Variants in RNF175 observed in about 807,000 individuals in gnomAD.
The protein encoded by RNF175 is ring finger protein 175.
RNF175 carries 38 observed loss-of-function variants against 50.0 expected under a neutral mutation model. The ratio of observed to expected loss-of-function variants is 0.76; its 90% confidence interval spans 0.59 to 1.00. The LOEUF is 1.00. Among genes scored for constraint, RNF175 ranks in the 50% least tolerant of loss-of-function variants. The pLI, the probability that RNF175 is intolerant of heterozygous loss-of-function variation, is 0.00. For synonymous variants in RNF175, 155 were observed against 146.1 expected (o/e 1.06, Z -0.44); for missense variants, 388 against 409.6 (o/e 0.95, Z 0.46).
chr4:153,759,999 T>A lies in RNF175; in HGVS notation c.-137A>T. On this transcript the variant is annotated 5_prime_UTR_variant, in exon 1 of 9. Transcript: ENST00000347063. Reference sequence around the variant, plus strand: ...TGCGGCGGCGGCGGAGCGGCGGCCCTGCCCGGGTTGTGCGGGGCGGGAGAT... The same window carrying A: ...TGCGGCGGCGGCGGAGCGGCGGCCCAGCCCGGGTTGTGCGGGGCGGGAGAT... The A allele has an allele frequency of 2.2e-6, 1 of 462,680 alleles. No homozygotes were observed. Among genetic ancestry groups the A allele is most frequent in the Non-Finnish European group, 3.6e-6 (1 of 279,562 alleles). 28.7% of individuals were successfully genotyped at this position (462,680 alleles called of 1,614,324 possible).
intron 3 of RNF175, among the ~76,000 whole-genome samples, chr4:153,739,138 T>C (rs1739509378): frequency 6.6e-6 from 1 of 152,210 alleles, no homozygotes; most frequent in African/African-American, 2.4e-5. Context: ...GAAAAAGAAA[T>C]AGGGCCGGGT....
At chr4:153,720,055 T>A in intron 6 of RNF175, 129 bp downstream of exon 6, 1 of 926,958 alleles carries the variant, frequency 1.1e-6, no homozygotes, top group Non-Finnish European at 1.6e-6. Context: ...ACCAAAAGAG[T>A]TCCAAAGGAA....
rs56211482 is a variant in RNF175 at position 153,734,665 on chromosome 4, C to CTTTTTTTTTTTTTT, written c.247-6318_247-6305dup. Reference sequence around the variant, plus strand: ...TCCAAGTCTGGCTTGTTTTTTTATTCTTTTTTTTTTTTTTTTTTTTTTTTT... The same window carrying CTTTTTTTTTTTTTT: ...TCCAAGTCTGGCTTGTTTTTTTATTCTTTTTTTTTTTTTTTTTTTTTTTTTTTTTTTTTTTTTTT... On this transcript the variant is annotated intron_variant, in intron 3 of 8. Transcript: ENST00000347063. 1.6e-3 allele frequency among the ~76,000 whole-genome samples: 115 copies of CTTTTTTTTTTTTTT among 73,192 alleles called. 4 individuals are homozygous for CTTTTTTTTTTTTTT. The highest frequency in any genetic ancestry group is 5.2e-3 in the African/African-American group (62 of 12,018). 48.0% of individuals were successfully genotyped at this position (73,192 alleles called of 152,430 possible).
chr4:153,750,828 T>G (rs1740252066), intron 2 of RNF175, among the ~76,000 whole-genome samples: 1 of 150,226 alleles, frequency 6.7e-6, no homozygotes, highest in African/African-American at 2.4e-5. Flanking sequence ...AAGAGTGACT[T>G]CATCATCAGT....
intron 3 of RNF175, among the ~76,000 whole-genome samples, chr4:153,744,192 C>T (rs751475724): frequency 3.9e-5 from 6 of 152,108 alleles, no homozygotes; most frequent in Non-Finnish European, 8.8e-5. Flanking sequence ...GAGGCCAAGG[C>T]GGGTGGATCA....
intron 3 of RNF175, among the ~76,000 whole-genome samples, chr4:153,734,665 C>CTTTTT (rs56211482): frequency 1.4e-5 from 1 of 73,180 alleles, no homozygotes; most frequent in African/African-American, 8.3e-5. Flanking sequence ...TTTTTTTATT[C>CTTTTT]TTTTTTTTTT....
At position 153,759,995 on chromosome 4, in the gene RNF175, G is replaced by T; in HGVS notation, c.-133C>A. The T allele has an allele frequency of 4.1e-6, 2 of 484,318 alleles. No homozygotes were observed. The highest frequency in any genetic ancestry group is 6.7e-6 in the Non-Finnish European group (2 of 297,294). 30.0% of individuals were successfully genotyped at this position (484,318 alleles called of 1,614,324 possible). A position where few individuals can be genotyped will look rare whatever the true frequency, so the allele number is the denominator to read the frequency against. ...GATCTGCGGCGGCGGCGGAGCGGCG[G>T]CCCTGCCCGGGTTGTGCGGGGCGGG... is the stretch of plus-strand genomic sequence containing the variant. On this transcript the variant is annotated 5_prime_UTR_variant, in exon 1 of 9. Transcript: ENST00000347063.
intron 3 of RNF175, among the ~76,000 whole-genome samples, chr4:153,744,523 C>T (rs1168786069): frequency 6.6e-6 from 1 of 152,102 alleles, no homozygotes. Flanking sequence ...AGGTCGGGGG[C>T]TTCCTATGCA....
chr4:153,717,848 T>TACCCTTGGATTCTCTGACTTCC (rs1396895878), intron 6 of RNF175, among the ~76,000 whole-genome samples: 4 of 152,236 alleles, frequency 2.6e-5, no homozygotes, highest in Non-Finnish European at 5.9e-5. Context: ...ATCTGAATTC[T>TACCCTTGGATTCTCTGACTTCC]ACCCTTGGAT....
chr4:153,710,901 G>A (rs1338798661), intron 8 of RNF175, among the ~76,000 whole-genome samples: 1 of 152,202 alleles, frequency 6.6e-6, no homozygotes, highest in Non-Finnish European at 1.5e-5. Flanking sequence ...AATAACACTG[G>A]TTCATCAGAT....
intron 2 of RNF175, 24 bp from the exon 3 acceptor site, chr4:153,748,810 T>C (rs190630459): frequency 2.5e-6 from 4 of 1,599,604 alleles, no homozygotes; most frequent in East Asian, 2.2e-5. Flanking sequence ...AATGAGGTCA[T>C]CTGAAAAAGC....
intron 6 of RNF175, among the ~76,000 whole-genome samples, chr4:153,719,588 T>A (rs373507327): frequency 6.6e-6 from 1 of 152,340 alleles, no homozygotes; most frequent in East Asian, 1.9e-4. Flanking sequence ...ATTCTGAATT[T>A]TAGTCTTAAA....
chr4:153,725,039 G>A lies in RNF175; in HGVS notation c.402-1581C>T, dbSNP rs9760855. On this transcript the variant is annotated intron_variant, in intron 4 of 8. Transcript: ENST00000347063. Reference sequence around the variant, plus strand: ...CTGCGTGGGGGAGCGGGCAGGGGTAGGCTGCGTGGGGGAGCGGGCAGGGGT... The same window carrying A: ...CTGCGTGGGGGAGCGGGCAGGGGTAAGCTGCGTGGGGGAGCGGGCAGGGGT... 5.1e-4 allele frequency among the ~76,000 whole-genome samples: 25 copies of A among 49,458 alleles called. No individual in the cohort carries two copies. In the East Asian group the frequency reaches 6.9e-3, roughly 14 times the overall value. 32.4% of individuals were successfully genotyped at this position (49,458 alleles called of 152,430 possible).
chr4:153,755,585 C>A (rs1740521554), intron 1 of RNF175, among the ~76,000 whole-genome samples: 1 of 139,734 alleles, frequency 7.2e-6, no homozygotes, highest in South Asian at 2.3e-4. Flanking sequence ...AAAAAAAAAA[C>A]CTCAAAGACA....
At chr4:153,740,667 C>T (rs574291676) in intron 3 of RNF175, among the ~76,000 whole-genome samples, 4 of 152,102 alleles carry the variant, frequency 2.6e-5, no homozygotes, top group Non-Finnish European at 5.9e-5. Flanking sequence ...GTGAGTTTGA[C>T]TTTTTAATCA....
intron 1 of RNF175, among the ~76,000 whole-genome samples, chr4:153,759,086 C>T (rs1253486230): frequency 2.6e-4 from 39 of 152,160 alleles, no homozygotes; most frequent in Admixed American, 2.6e-3. Context: ...TGGGTTCCTC[C>T]AGGTAAGACC....
In RNF175 at chr4:153,742,049, CG is replaced by C. The variant is rs1739688668; in HGVS notation, c.246+6595del. On this transcript the variant is annotated intron_variant, in intron 3 of 8. Transcript: ENST00000347063. ...ACCTTGGGAGGCCAGCCGAGGCAGG[CG>C]GATCACCTGAGGTCAGGAGTTTGAA... is the stretch of plus-strand genomic sequence containing the variant. Among the ~76,000 whole-genome samples, 5 of 152,140 alleles carry C rather than the reference CG, an allele frequency of 3.3e-5. No individual in the cohort carries two copies. The South Asian group carries it at 1.0e-3, about 32-fold the overall frequency.
At chr4:153,723,147 A>T in intron 5 of RNF175, 1 of 344,478 alleles carries the variant, frequency 2.9e-6, no homozygotes, top group Non-Finnish European at 5.4e-6. Flanking sequence ...AAAGCTCCTA[A>T]TTTTAAAAAA....
rs1385634989 is a variant in RNF175, at chr4:153,715,637, G to T, written c.656C>A (p.Thr219Lys). ...IGFYSVSRLP[T>K]RSLSDNICAV... The stretch of plus-strand genomic sequence containing the variant: ...ACAGATATTGTCCGATAAGCTCCTT[G>T]TAGGCAACCGGCTGACACTGTAGAA... The change falls in exon 7 of 9, where the codon ACA (threonine) becomes AAA (lysine). Residue 219 changes from threonine to lysine, a missense_variant. Thr to Lys is a moderately conservative substitution (Grantham distance 78, BLOSUM62 -1). Coordinates refer to ENST00000347063, the MANE Select transcript of RNF175 (RefSeq NM_173662.4). 6.2e-7 allele frequency: 1 copy of T among 1,613,914 alleles called. No homozygotes were observed. Among genetic ancestry groups the T allele is most frequent in the Non-Finnish European group, 8.5e-7 (1 of 1,179,864 alleles).
Sources: gnomAD v4.1 joint callset for allele counts (sites outside exome capture counted in the v4.1 genomes callset) on GRCh38, gnomAD v4.1.1 for gene constraint, MANE v1.5 for transcripts, NCBI Gene and HGNC (gene_info 2026-07-23, HGNC 2026-07-21) for gene names.